TAFA1: variants seen among roughly 807,000 people sequenced by gnomAD.
TAFA1 encodes the protein TAFA chemokine like family member 1, also known as chemokine-like protein TAFA-1.
In TAFA1, 4 loss-of-function variants were observed where a neutral mutation model predicts 18.5. That is an observed-to-expected ratio of 0.22 (90% CI 0.11 to 0.49). The LOEUF (loss-of-function observed/expected upper bound fraction) is 0.49. Ranked by LOEUF, TAFA1 falls within the 20% of genes least tolerant of loss-of-function variation. The pLI is 0.98. For missense variants in TAFA1, 147 were observed against 169.0 expected (o/e 0.87, Z 0.72); for synonymous variants, 56 against 55.2 (o/e 1.01, Z -0.06).
intron 3 of TAFA1, among the ~76,000 whole-genome samples, chr3:68,528,285 A>T (rs2073136249): frequency 6.6e-6 from 1 of 152,178 alleles, no homozygotes; most frequent in African/African-American, 2.4e-5. Flanking sequence ...AACTGAGAAA[A>T]CTTAATCTTG....
At chr3:68,385,682 C>T (rs2106690400) in intron 2 of TAFA1, among the ~76,000 whole-genome samples, 1 of 152,034 alleles carries the variant, frequency 6.6e-6, no homozygotes, top group Admixed American at 6.6e-5. Flanking sequence ...TATCTAGAAG[C>T]CATTACAAAC....
intron 2 of TAFA1, among the ~76,000 whole-genome samples, chr3:68,416,368 T>C (rs2070838567): frequency 6.6e-6 from 1 of 152,226 alleles, no homozygotes; most frequent in African/African-American, 2.4e-5. Flanking sequence ...GCTTAACAAA[T>C]GCTTGGTGAA....
At chr3:68,155,246 C>G (rs2065853315) in intron 2 of TAFA1, among the ~76,000 whole-genome samples, 1 of 152,154 alleles carries the variant, frequency 6.6e-6, no homozygotes, top group African/African-American at 2.4e-5. Context: ...CTCTGCAGTG[C>G]CTGATCAGTG....
chr3:68,460,320 C>T (rs902106697), intron 3 of TAFA1, among the ~76,000 whole-genome samples: 1 of 152,148 alleles, frequency 6.6e-6, no homozygotes, highest in African/African-American at 2.4e-5. Flanking sequence ...CGTCTTACCT[C>T]ATGAAGATGT....
intron 2 of TAFA1, among the ~76,000 whole-genome samples, chr3:68,284,086 A>T (rs559157820): frequency 9.2e-5 from 14 of 151,874 alleles, no homozygotes; most frequent in Admixed American, 8.5e-4. Context: ...CACCTTGGCC[A>T]AGTTATTTTG....
At chr3:68,021,727 T>C (rs1202685442) in intron 2 of TAFA1, among the ~76,000 whole-genome samples, 1 of 152,206 alleles carries the variant, frequency 6.6e-6, no homozygotes, top group African/African-American at 2.4e-5. Context: ...AAGTTATCAG[T>C]AGTCAGTATC....
At chr3:68,146,357 C>T (rs1049356651) in intron 2 of TAFA1, among the ~76,000 whole-genome samples, 2 of 152,164 alleles carry the variant, frequency 1.3e-5, no homozygotes, top group African/African-American at 4.8e-5. Context: ...TCTTTAGATG[C>T]CGTCTTTCTC....
At chr3:68,193,825 C>T (rs975374368) in intron 2 of TAFA1, among the ~76,000 whole-genome samples, 2 of 151,670 alleles carry the variant, frequency 1.3e-5, no homozygotes, top group African/African-American at 4.8e-5. Flanking sequence ...CGCCCTAATA[C>T]TGTGTAACAA....
chr3:68,360,271 C>T (rs553211205), intron 2 of TAFA1, among the ~76,000 whole-genome samples: 40 of 152,084 alleles, frequency 2.6e-4, no homozygotes, highest in African/African-American at 9.6e-4. Flanking sequence ...CCCTTTTGAG[C>T]AACCATTTGA....
chr3:68,153,235 A>G (rs537596336), intron 2 of TAFA1, among the ~76,000 whole-genome samples: 135 of 152,318 alleles, frequency 8.9e-4, no homozygotes, highest in Non-Finnish European at 1.6e-3. Context: ...GTGTGTCTAT[A>G]TATAGATCCA....
chr3:68,322,629 G>A (rs930621004), intron 2 of TAFA1, among the ~76,000 whole-genome samples: 4 of 152,054 alleles, frequency 2.6e-5, no homozygotes, highest in Non-Finnish European at 5.9e-5. Context: ...CCCAGGAGTT[G>A]GCTGCTATAA....
chr3:68,046,923 T>C (rs2064394315), intron 2 of TAFA1, among the ~76,000 whole-genome samples: 1 of 152,212 alleles, frequency 6.6e-6, no homozygotes, highest in Admixed American at 6.6e-5. Flanking sequence ...ACATAAGGCA[T>C]ATTGATTTTT....
intron 2 of TAFA1, among the ~76,000 whole-genome samples, chr3:68,055,498 C>G (rs997913097): frequency 3.3e-5 from 5 of 152,092 alleles, no homozygotes; most frequent in African/African-American, 9.7e-5. Context: ...ACTTGAAACA[C>G]AGTTATTAAA....
the TAFA1 span, among the ~76,000 whole-genome samples, chr3:67,996,069 C>T: frequency 6.6e-6 from 1 of 152,090 alleles, no homozygotes; most frequent in Non-Finnish European, 1.5e-5. Flanking sequence ...ACATTAAAGG[C>T]CTTAAATCTG....
At chr3:68,071,685 G>C (rs1463660982) in intron 2 of TAFA1, among the ~76,000 whole-genome samples, 1 of 152,170 alleles carries the variant, frequency 6.6e-6, no homozygotes, top group Admixed American at 6.5e-5. Context: ...AAACACCAGA[G>C]GCTGGATAAT....
At chr3:68,525,297 G>C (rs760514124) in intron 3 of TAFA1, among the ~76,000 whole-genome samples, 6 of 152,148 alleles carry the variant, frequency 3.9e-5, no homozygotes, top group Non-Finnish European at 8.8e-5. Flanking sequence ...TTTGATATTA[G>C]TGAAATTACA....
At chr3:68,202,246 G>C (rs114359140) in intron 2 of TAFA1, among the ~76,000 whole-genome samples, 3,014 of 151,800 alleles carry the variant, frequency 0.02, 114 homozygotes, top group African/African-American at 0.068. Flanking sequence ...GTGGGTATCT[G>C]TGTATTTACA....
intron 2 of TAFA1, among the ~76,000 whole-genome samples, chr3:68,058,414 G>T (rs1348417764): frequency 6.6e-6 from 1 of 152,120 alleles, no homozygotes; most frequent in African/African-American, 2.4e-5. Context: ...GATGATCTCA[G>T]TTTATAAGGT....
At chr3:68,366,391 C>T (rs889162227) in intron 2 of TAFA1, among the ~76,000 whole-genome samples, 1 of 152,160 alleles carries the variant, frequency 6.6e-6, no homozygotes, top group Admixed American at 6.5e-5. Context: ...GAACAGAGGG[C>T]ACAAGGATTC....
Sources: allele counts gnomAD v4.1 joint callset (sites outside exome capture counted in the v4.1 genomes callset), GRCh38; gene constraint gnomAD v4.1.1; transcripts MANE v1.5; gene names NCBI Gene and HGNC (gene_info 2026-07-23, HGNC 2026-07-21).